Variants in CCDC82 observed in about 807,000 individuals in gnomAD.
CCDC82 encodes the protein coiled-coil domain-containing protein 82.
Under a neutral mutation model 60.6 loss-of-function variants are expected in CCDC82, and 47 were observed. The observed-to-expected ratio is 0.77, with a 90% CI of 0.61 to 0.99. The LOEUF (loss-of-function observed/expected upper bound fraction) is 0.99. CCDC82 is among the 50% of genes least tolerant of loss of function. The pLI is 0.00. For synonymous variants in CCDC82, 212 were observed against 207.4 expected (o/e 1.02, Z -0.19); for missense variants, 588 against 633.0 (o/e 0.93, Z 0.76).
At chr11:96,380,724 A>G (rs1865834398) in intron 5 of CCDC82, 1 of 151,840 alleles carries the variant, frequency 6.6e-6, no homozygotes, top group Admixed American at 6.6e-5. Flanking sequence ...TAAGTGAAAG[A>G]AGACAATCTG....
chr11:96,375,178 T>C (rs1303534156), intron 5 of CCDC82, among the ~76,000 whole-genome samples: 1 of 152,174 alleles, frequency 6.6e-6, no homozygotes, highest in Non-Finnish European at 1.5e-5. Flanking sequence ...ATTCATCCCA[T>C]GTGCACCTAA....
At chr11:96,387,677 T>C (rs1866273624) in intron 1 of CCDC82, 64 bp from the exon 2 acceptor site, 1 of 152,230 alleles carries the variant, frequency 6.6e-6, no homozygotes, top group African/African-American at 2.4e-5. Flanking sequence ...TATTTTTATC[T>C]CTCATTCATG....
chr11:96,358,539 G>C (rs1864461727), intron 9 of CCDC82: 1 of 1,234,160 alleles, frequency 8.1e-7, no homozygotes, highest in Admixed American at 4.2e-5. Context: ...AGAGGATGTG[G>C]GTGTATTAGA....
chr11:96,360,110 T>C (rs1045326155), intron 8 of CCDC82, among the ~76,000 whole-genome samples: 6 of 147,654 alleles, frequency 4.1e-5, no homozygotes, highest in Non-Finnish European at 6.0e-5. Flanking sequence ...AAATTATTTA[T>C]ATATATTTAA....
intron 3 of CCDC82, chr11:96,385,370 G>A (rs1461278032): frequency 6.6e-6 from 1 of 152,362 alleles, no homozygotes; most frequent in African/African-American, 2.4e-5. Flanking sequence ...CTGGAAAAAA[G>A]GAGAAAAGAA....
chr11:96,369,921 T>C (rs1313718112), intron 7 of CCDC82, among the ~76,000 whole-genome samples: 2 of 152,242 alleles, frequency 1.3e-5, no homozygotes, highest in African/African-American at 4.8e-5. Context: ...GTGCCTGTAC[T>C]TTATCTTCAA....
chr11:96,383,934 A>C, intron 4 of CCDC82, 28 bp downstream of exon 4: 1 of 1,555,124 alleles, frequency 6.4e-7, no homozygotes, highest in Non-Finnish European at 8.7e-7. Flanking sequence ...CTGAAAAACA[A>C]TAACAAATCC....
chr11:96,371,255 AT>A (rs1437187227), intron 6 of CCDC82, 118 bp from the exon 7 acceptor site: 12 of 657,190 alleles, frequency 1.8e-5, no homozygotes, highest in African/African-American at 1.7e-4. Context: ...AGGAAAAAAA[AT>A]ATTTAAAAAA....
intron 9 of CCDC82, 70 bp downstream of exon 9, chr11:96,358,921 ATT>A: frequency 4.7e-6 from 6 of 1,287,774 alleles, no homozygotes; most frequent in Non-Finnish European, 6.5e-6. Context: ...TCTTTTAATC[ATT>A]TGTTTCCTTT....
At chr11:96,375,841 A>G (rs1865543536) in intron 5 of CCDC82, among the ~76,000 whole-genome samples, 1 of 152,178 alleles carries the variant, frequency 6.6e-6, no homozygotes, top group Admixed American at 6.5e-5. Flanking sequence ...CCATCTTAAG[A>G]AAAATGGCAT....
chr11:96,353,038 T>C lies in CCDC82; in HGVS notation c.*608A>G, dbSNP rs764143787. 4 of 152,180 alleles carry C rather than the reference T, an allele frequency of 2.6e-5. No individual in the cohort carries two copies. The highest frequency in any genetic ancestry group is 5.9e-5 in the Non-Finnish European group (4 of 68,014). The allele number at this position is 152,180 out of a possible 1,614,324, so 9.4% of individuals were successfully genotyped here. A position where few individuals can be genotyped will look rare whatever the true frequency, so the allele number is the denominator to read the frequency against. ...AAATTTACATAAAATTATTCCTGAA[T>C]GTGAGGGTTGAAAGACTCTAGAGGC... On this transcript the variant is annotated 3_prime_UTR_variant, in exon 10 of 10. Transcript: ENST00000646818.
intron 5 of CCDC82, chr11:96,381,152 C>G: frequency 6.6e-6 from 1 of 151,636 alleles, no homozygotes; most frequent in East Asian, 1.9e-4. Context: ...TTCCCATATG[C>G]TAGCCTTTTA....
At chr11:96,380,525 C>G (rs1393230246) in intron 5 of CCDC82, 1 of 151,760 alleles carries the variant, frequency 6.6e-6, no homozygotes, top group African/African-American at 2.4e-5. Flanking sequence ...CATAGAAAAA[C>G]CTGCACATGA....
At chr11:96,358,329 T>C (rs1864452021) in intron 9 of CCDC82, 1 of 1,204,668 alleles carries the variant, frequency 8.3e-7, no homozygotes. Flanking sequence ...AAAAGCTCTG[T>C]GAGCAGACCA....
chr11:96,359,805 T>C (rs2136072945), intron 8 of CCDC82, among the ~76,000 whole-genome samples: 1 of 151,954 alleles, frequency 6.6e-6, no homozygotes, highest in South Asian at 2.1e-4. Context: ...ACTAGATACT[T>C]TTCTTTTCCC....
chr11:96,355,481 C>T (rs771262261), intron 9 of CCDC82: 3 of 152,270 alleles, frequency 2.0e-5, no homozygotes, highest in East Asian at 1.9e-4. Context: ...ATGCTTAAAA[C>T]GTATTACATA....
At chr11:96,376,430 C>CTTT (rs1291548577) in intron 5 of CCDC82, among the ~76,000 whole-genome samples, 3 of 140,804 alleles carry the variant, frequency 2.1e-5, no homozygotes, top group South Asian at 2.2e-4. Context: ...CCGTGCTTTT[C>CTTT]TTTTTTTTTT....
chr11:96,369,877 T>C (rs749193469), intron 7 of CCDC82, among the ~76,000 whole-genome samples: 2 of 152,226 alleles, frequency 1.3e-5, no homozygotes, highest in African/African-American at 2.4e-5. Context: ...GCTATTTTTC[T>C]ATTAAACAGT....
intron 5 of CCDC82, among the ~76,000 whole-genome samples, 199 bp from the exon 6 acceptor site, chr11:96,373,666 C>T (rs1006269038): frequency 4.6e-5 from 7 of 152,272 alleles, no homozygotes; most frequent in African/African-American, 1.7e-4. Context: ...GGCTTCCAAT[C>T]CAAAGTGTCT....
Sources: gnomAD v4.1 joint callset for allele counts (sites outside exome capture counted in the v4.1 genomes callset) on GRCh38, gnomAD v4.1.1 for gene constraint, MANE v1.5 for transcripts, NCBI Gene and HGNC (gene_info 2026-07-23, HGNC 2026-07-21) for gene names.